RHEB: variants seen among roughly 807,000 people sequenced by gnomAD.
The protein encoded by RHEB is Ras homolog, mTORC1 binding, also known as GTP-binding protein Rheb.
Under a neutral mutation model 28.8 loss-of-function variants are expected in RHEB, and 2 were observed. The observed-to-expected ratio is 0.07, with a 90% confidence interval of 0.03 to 0.22. The LOEUF (loss-of-function observed/expected upper bound fraction) is 0.22. Ranked by LOEUF, RHEB falls within the 10% of genes least tolerant of loss-of-function variation. The pLI, the probability that RHEB is intolerant of heterozygous loss-of-function variation, is 1.00. For missense variants in RHEB, 76 were observed against 219.9 expected (o/e 0.35, Z 4.14); for synonymous variants, 69 against 77.3 (o/e 0.89, Z 0.56).
chr7:151,480,770 C>T (rs531940397), intron 3 of RHEB, among the ~76,000 whole-genome samples: 1 of 151,764 alleles, frequency 6.6e-6, no homozygotes, highest in African/African-American at 2.4e-5. Flanking sequence ...CTACAACCTC[C>T]GCCTCCTGGG....
intron 3 of RHEB, among the ~76,000 whole-genome samples, chr7:151,479,836 A>G (rs1802351141): frequency 6.6e-6 from 1 of 152,202 alleles, no homozygotes; most frequent in Non-Finnish European, 1.5e-5. Flanking sequence ...TTTTCTTCAC[A>G]TATCAAGGGG....
At chr7:151,502,228 C>CA (rs34312270) in intron 1 of RHEB, 9,571 of 330,550 alleles carry the variant, frequency 0.029, 42 homozygotes, top group African/African-American at 0.058. Flanking sequence ...AGAGCTGTCT[C>CA]AAAAAAAAAA....
chr7:151,476,371 G>A (rs1802273226), intron 4 of RHEB, among the ~76,000 whole-genome samples: 1 of 152,140 alleles, frequency 6.6e-6, no homozygotes, highest in Non-Finnish European at 1.5e-5. Context: ...TCCATTTTTA[G>A]TTAAACAGCC....
intron 1 of RHEB, among the ~76,000 whole-genome samples, chr7:151,515,904 C>G (rs1483124690): frequency 1.3e-5 from 2 of 152,190 alleles, no homozygotes; most frequent in Non-Finnish European, 2.9e-5. Context: ...CTCTTATTAA[C>G]TGTATGTAAG....
In RHEB at chr7:151,497,808, C is replaced by G. The variant is rs143070331; in HGVS notation, c.53-6794G>C. Among the ~76,000 whole-genome samples, 112 of 152,342 alleles carry G rather than the reference C, an allele frequency of 7.4e-4. 1 individual carries two copies. Among genetic ancestry groups the G allele is most frequent in the African/African-American group, 2.5e-3 (104 of 41,584 alleles). ...CTATCCCCTTGTTCTCTAGATCCCA[C>G]ACTCCCTCCTGGTCTCCTCTGAACC... On this transcript the variant is annotated intron_variant, in intron 1 of 7. Transcript: ENST00000262187.
At chr7:151,503,520 C>G (rs1584864496) in intron 1 of RHEB, 2 of 759,728 alleles carry the variant, frequency 2.6e-6, no homozygotes, top group Non-Finnish European at 4.5e-6. Flanking sequence ...GAAGCATACC[C>G]ATGGTGGAAT....
At chr7:151,515,676 C>T (rs1461345329) in intron 1 of RHEB, among the ~76,000 whole-genome samples, 3 of 152,122 alleles carry the variant, frequency 2.0e-5, no homozygotes, top group Non-Finnish European at 4.4e-5. Context: ...TAAAAAGTGT[C>T]AACAAATGAT....
At chr7:151,490,858 C>T in intron 2 of RHEB, 85 bp downstream of exon 2, 1 of 987,614 alleles carries the variant, frequency 1.0e-6, no homozygotes, top group East Asian at 2.4e-5. Context: ...TTACCTCCTG[C>T]ACTCAAAGCC....
chr7:151,503,442 AT>A, intron 1 of RHEB: 9 of 1,202,922 alleles, frequency 7.5e-6, no homozygotes, highest in Non-Finnish European at 1.1e-5. Context: ...GAGACAATGA[AT>A]TTTTTGACCT....
At position 151,468,488 on chromosome 7, in the gene RHEB, G is replaced by C. The variant is rs1434938924; in HGVS notation, c.463-1277C>G. 6.6e-6 allele frequency among the ~76,000 whole-genome samples: 1 copy of C among 152,196 alleles called. No homozygotes were observed. The highest frequency in any genetic ancestry group is 1.5e-5 in the Non-Finnish European group (1 of 68,044). On this transcript the variant is annotated intron_variant, in intron 7 of 7. Transcript: ENST00000262187. The surrounding 1 kb of genome is among the most constrained non-coding windows in gnomAD (Gnocchi z 4.3). ...CACCCATGACCAGGAACCTGGCGCA[G>C]ACACTTGGTGCTGCCTAGCCACCCG...
chr7:151,487,587 A>G (rs1802502538), intron 2 of RHEB, among the ~76,000 whole-genome samples: 1 of 152,188 alleles, frequency 6.6e-6, no homozygotes, highest in South Asian at 2.1e-4. Context: ...AACTTGTCCT[A>G]CTTGTAGCAG....
At chr7:151,503,484 G>T in intron 1 of RHEB, 1 of 1,023,840 alleles carries the variant, frequency 9.8e-7, no homozygotes. Context: ...GGCAAAACGT[G>T]CCTCACCCTC....
At chr7:151,504,939 A>G (rs562026494) in intron 1 of RHEB, among the ~76,000 whole-genome samples, 3 of 152,164 alleles carry the variant, frequency 2.0e-5, no homozygotes, top group African/African-American at 7.2e-5. Context: ...GTGGGACCTC[A>G]AGTTTTTTAA....
At chr7:151,493,656 A>C (rs2150930696) in intron 1 of RHEB, among the ~76,000 whole-genome samples, 2 of 152,378 alleles carry the variant, frequency 1.3e-5, no homozygotes, top group African/African-American at 4.8e-5. Context: ...ACAGAAATTA[A>C]GAAACAATTC....
At chr7:151,493,199 C>T (rs914074584) in intron 1 of RHEB, among the ~76,000 whole-genome samples, 5 of 152,056 alleles carry the variant, frequency 3.3e-5, no homozygotes, top group Non-Finnish European at 7.4e-5. Flanking sequence ...CTCTGGTTAC[C>T]ACTCTGACCT....
At chr7:151,474,196 TGAGACACA>T (rs1802224426) in intron 4 of RHEB, among the ~76,000 whole-genome samples, 1 of 145,520 alleles carries the variant, frequency 6.9e-6, no homozygotes, top group East Asian at 2.0e-4. Flanking sequence ...GTTTTTTTTT[TGAGACACA>T]GCCTTGCTTT....
chr7:151,514,240 A>G (rs1407033748), intron 1 of RHEB, among the ~76,000 whole-genome samples: 1 of 152,246 alleles, frequency 6.6e-6, no homozygotes, highest in East Asian at 1.9e-4. Flanking sequence ...TAGATCACAG[A>G]TCTAATGTAA....
intron 1 of RHEB, among the ~76,000 whole-genome samples, chr7:151,497,135 T>C (rs1257208117): frequency 2.6e-5 from 4 of 152,038 alleles, no homozygotes; most frequent in African/African-American, 9.7e-5. Flanking sequence ...GTGAGCCTAT[T>C]GAGCTCAGCT....
intron 3 of RHEB, among the ~76,000 whole-genome samples, chr7:151,479,487 C>T (rs901231141): frequency 1.3e-5 from 2 of 152,050 alleles, no homozygotes; most frequent in Admixed American, 6.6e-5. Flanking sequence ...TTCATATCAT[C>T]CTGGCTAACA....
Sources: gnomAD v4.1 joint callset for allele counts (sites outside exome capture counted in the v4.1 genomes callset) on GRCh38, gnomAD v4.1.1 for gene constraint, Gnocchi (gnomAD v3.1) non-coding constraint, MANE v1.5 for transcripts, NCBI Gene and HGNC (gene_info 2026-07-23, HGNC 2026-07-21) for gene names.